Variants in RNGTT observed in about 807,000 individuals in gnomAD.
RNGTT encodes RNA guanylyltransferase and 5'-phosphatase, also known as mRNA-capping enzyme.
RNGTT carries 33 observed loss-of-function variants against 79.3 expected under a neutral mutation model. The ratio of observed to expected loss-of-function variants is 0.42; its 90% CI spans 0.32 to 0.56. RNGTT has a LOEUF of 0.56. RNGTT is among the 20% of genes least tolerant of loss of function. RNGTT has a pLI of 0.17. For missense variants in RNGTT, 497 were observed against 739.1 expected (o/e 0.67, Z 3.80); for synonymous variants, 222 against 235.9 (o/e 0.94, Z 0.54).
At chr6:88,816,836 T>G (rs1036076924) in intron 11 of RNGTT, among the ~76,000 whole-genome samples, 1 of 152,076 alleles carries the variant, frequency 6.6e-6, no homozygotes, top group Non-Finnish European at 1.5e-5. Context: ...TACTTAAAAT[T>G]TCAATGTCAT....
intron 14 of RNGTT, among the ~76,000 whole-genome samples, chr6:88,672,218 T>C (rs12212525): frequency 0.059 from 4,483 of 76,274 alleles, 237 homozygotes; most frequent in African/African-American, 0.14. Context: ...TATATATATA[T>C]ACACACACAC....
At chr6:88,644,821 C>CCG (rs1562167153) in intron 14 of RNGTT, among the ~76,000 whole-genome samples, 2 of 152,170 alleles carry the variant, frequency 1.3e-5, no homozygotes, top group Admixed American at 6.5e-5. Flanking sequence ...GCTAAAAATT[C>CCG]TCAATAAATT....
intron 12 of RNGTT, among the ~76,000 whole-genome samples, chr6:88,770,079 G>C (rs1299136712): frequency 6.6e-6 from 1 of 152,046 alleles, no homozygotes; most frequent in East Asian, 1.9e-4. Context: ...GTAGACCCTT[G>C]TTTGTGAAAG....
chr6:88,709,926 G>A (rs1002652641), intron 13 of RNGTT, among the ~76,000 whole-genome samples: 6 of 152,204 alleles, frequency 3.9e-5, no homozygotes, highest in African/African-American at 1.4e-4. Context: ...ATACAAAGAA[G>A]TTATGCTAGA....
chr6:88,857,348 A>G (rs1781875271), intron 8 of RNGTT, among the ~76,000 whole-genome samples: 1 of 151,978 alleles, frequency 6.6e-6, no homozygotes, highest in Non-Finnish European at 1.5e-5. Flanking sequence ...TTTAGACCCA[A>G]CTCTGATCAT....
At chr6:88,838,995 T>C (rs1383788555) in intron 11 of RNGTT, among the ~76,000 whole-genome samples, 1 of 151,010 alleles carries the variant, frequency 6.6e-6, no homozygotes, top group Non-Finnish European at 1.5e-5. Context: ...TGTGCAAAAG[T>C]AATTCAATGA....
At chr6:88,877,875 T>C (rs1340021011) in intron 8 of RNGTT, among the ~76,000 whole-genome samples, 1 of 152,096 alleles carries the variant, frequency 6.6e-6, no homozygotes, top group African/African-American at 2.4e-5. Context: ...CTGGCCTGGA[T>C]CCCTAACTAT....
At chr6:88,917,951 C>A (rs1444331865) in intron 4 of RNGTT, among the ~76,000 whole-genome samples, 1 of 151,998 alleles carries the variant, frequency 6.6e-6, no homozygotes, top group Non-Finnish European at 1.5e-5. Context: ...TCATGTATGC[C>A]AAGTAAAGGA....
rs183668345 is a variant in RNGTT at position 88,670,274 on chromosome 6, C to T, written c.1506+8079G>A. 2.0e-3 allele frequency among the ~76,000 whole-genome samples: 308 copies of T among 152,324 alleles called. 2 individuals carry two copies. The highest frequency in any genetic ancestry group is 3.4e-3 in the Middle Eastern group (1 of 294). ...TGGTTCCCAGCATTAGGATTTAAAA[C>T]TCTTATAATAGGAGTAATAACAGTA... is the stretch of plus-strand genomic sequence containing the variant. On this transcript the variant is annotated intron_variant, in intron 14 of 15. Transcript: ENST00000369485.
chr6:88,716,304 A>C (rs1776510373), intron 13 of RNGTT, among the ~76,000 whole-genome samples: 1 of 151,966 alleles, frequency 6.6e-6, no homozygotes. Flanking sequence ...AATCATTAAA[A>C]AGTCAGGAAA....
At chr6:88,935,189 T>C (rs895789272) in intron 2 of RNGTT, among the ~76,000 whole-genome samples, 1 of 152,220 alleles carries the variant, frequency 6.6e-6, no homozygotes, top group Non-Finnish European at 1.5e-5. Flanking sequence ...AAGAGTGTCC[T>C]GTCCCCAATG....
chr6:88,841,182 T>A (rs1418022993), intron 11 of RNGTT, among the ~76,000 whole-genome samples: 1 of 152,170 alleles, frequency 6.6e-6, no homozygotes, highest in Non-Finnish European at 1.5e-5. Flanking sequence ...AGGTACCCCC[T>A]TAATATCCCT....
intron 1 of RNGTT, among the ~76,000 whole-genome samples, chr6:88,949,842 T>G (rs1017275347): frequency 6.6e-6 from 1 of 152,132 alleles, no homozygotes; most frequent in African/African-American, 2.4e-5. Flanking sequence ...CCAGAAGATA[T>G]AGCTAAGATA....
intron 1 of RNGTT, 53 bp downstream of exon 1, chr6:88,963,293 A>C: frequency 6.3e-7 from 1 of 1,592,630 alleles, no homozygotes; most frequent in Non-Finnish European, 8.6e-7. Context: ...CAGTCGGCCC[A>C]CCCCCGGGCA....
intron 11 of RNGTT, among the ~76,000 whole-genome samples, chr6:88,804,337 AT>A (rs1264581122): frequency 6.6e-6 from 1 of 152,192 alleles, no homozygotes; most frequent in Non-Finnish European, 1.5e-5. Context: ...AGGTCCTCCA[AT>A]AGCCACTTAA....
chr6:88,705,466 C>T (rs1321735520), intron 13 of RNGTT, among the ~76,000 whole-genome samples: 1 of 152,046 alleles, frequency 6.6e-6, no homozygotes, highest in Non-Finnish European at 1.5e-5. Flanking sequence ...AAAGTTCTGA[C>T]ATGATCTGAA....
chr6:88,902,845 G>A (rs1008907864), intron 6 of RNGTT, among the ~76,000 whole-genome samples: 7 of 151,786 alleles, frequency 4.6e-5, no homozygotes, highest in African/African-American at 1.2e-4. Flanking sequence ...ACAGGCACCC[G>A]CCACCACGCC....
chr6:88,900,097 C>A (rs1783396832), intron 6 of RNGTT, among the ~76,000 whole-genome samples: 1 of 147,522 alleles, frequency 6.8e-6, no homozygotes. Flanking sequence ...TTTTCATAAA[C>A]AATGTCTAGT....
intron 11 of RNGTT, among the ~76,000 whole-genome samples, chr6:88,818,030 AT>A (rs1780380685): frequency 6.6e-6 from 1 of 151,800 alleles, no homozygotes; most frequent in South Asian, 2.1e-4. Context: ...AAGTGCTAGG[AT>A]TACAGGCGTG....
Sources: gnomAD v4.1 joint callset for allele counts (sites outside exome capture counted in the v4.1 genomes callset) on GRCh38, gnomAD v4.1.1 for gene constraint, MANE v1.5 for transcripts, NCBI Gene and HGNC (gene_info 2026-07-23, HGNC 2026-07-21) for gene names.